The following PRAG1 variants were observed in gnomAD, a reference collection of about 807,000 sequenced individuals.
The protein encoded by PRAG1 is PEAK1 related, kinase-activating pseudokinase 1.
Under a neutral mutation model 95.6 loss-of-function variants are expected in PRAG1, and 110 were observed. That is an observed-to-expected ratio of 1.15 (90% CI 0.99 to 1.35). The LOEUF (loss-of-function observed/expected upper bound fraction) is 1.35, where lower values mean the gene tolerates loss of function less well. Among genes scored for constraint, PRAG1 ranks in the 40% most tolerant of loss-of-function variants. The pLI is 0.00. For missense variants in PRAG1, 2,554 were observed against 1,864.7 expected (o/e 1.37, Z -6.81); for synonymous variants, 1,052 against 819.4 (o/e 1.28, Z -4.85).
At chr8:8,371,686 A>T (rs943726587) in intron 3 of PRAG1, among the ~76,000 whole-genome samples, 1 of 152,080 alleles carries the variant, frequency 6.6e-6, no homozygotes, top group Non-Finnish European at 1.5e-5. Context: ...CCTGGGAAAC[A>T]TGGTGAAACT....
intron 5 of PRAG1, among the ~76,000 whole-genome samples, chr8:8,323,663 A>G (rs1384852691): frequency 6.6e-6 from 1 of 152,002 alleles, no homozygotes; most frequent in East Asian, 1.9e-4. Flanking sequence ...TGCTGCCACC[A>G]TGTGAAGAAG....
At chr8:8,372,512 G>A (rs1800243199) in intron 3 of PRAG1, among the ~76,000 whole-genome samples, 1 of 152,188 alleles carries the variant, frequency 6.6e-6, no homozygotes. Flanking sequence ...GGGTATAAAA[G>A]CTTGCCTTGA....
At chr8:8,331,640 C>A (rs1052533696) in intron 4 of PRAG1, among the ~76,000 whole-genome samples, 4 of 152,184 alleles carry the variant, frequency 2.6e-5, no homozygotes, top group African/African-American at 9.7e-5. Context: ...GACCAGGGAT[C>A]TTTTAGCAAC....
rs745348481 is a variant in PRAG1 at position 8,318,109 on chromosome 8, G to C, written c.*45C>G. The C allele has an allele frequency of 2.6e-6, 4 of 1,563,022 alleles. No individual in the cohort carries two copies. The highest frequency in any genetic ancestry group is 1.8e-5 in the Admixed American group (1 of 54,414). On this transcript the variant is annotated 3_prime_UTR_variant, in exon 6 of 6. Transcript: ENST00000615670. This position sits in a 1 kb window ranked among gnomAD's most constrained non-coding sequence, Gnocchi z 4.2. ...GTGCTTCCAAGGCGAGACAGGAAAG[G>C]GTTAGGCAGGGAAGGGGCAGCGACG...
chr8:8,360,776 C>T (rs775495861), intron 3 of PRAG1, among the ~76,000 whole-genome samples: 10 of 152,160 alleles, frequency 6.6e-5, no homozygotes, highest in Non-Finnish European at 1.2e-4. Flanking sequence ...ATGTTAAATG[C>T]CTTGGAAAGA....
intron 3 of PRAG1, among the ~76,000 whole-genome samples, chr8:8,358,149 G>A (rs1298573198): frequency 2.6e-5 from 4 of 152,028 alleles, no homozygotes; most frequent in Admixed American, 1.3e-4. Flanking sequence ...CTCCTCCTTG[G>A]GTTCAATTAA....
In PRAG1 at chr8:8,384,560, A is replaced by C. The variant is rs565883933; in HGVS notation, c.-88+1761T>G. 2.0e-5 allele frequency among the ~76,000 whole-genome samples: 3 copies of C among 148,744 alleles called. No homozygotes were observed. In the South Asian group the frequency reaches 6.3e-4, roughly 31 times the overall value. ...GTCATTGACTCACTGCATCCTGTTA[A>C]AACTGGTTTCTCAGTCGCAGCAAAC... On this transcript the variant is annotated intron_variant, in intron 1 of 5. Transcript: ENST00000615670.
chr8:8,360,442 T>C (rs1413564342), intron 3 of PRAG1, among the ~76,000 whole-genome samples: 1 of 152,194 alleles, frequency 6.6e-6, no homozygotes, highest in Non-Finnish European at 1.5e-5. Flanking sequence ...CTCTAGAAAA[T>C]CCTACAGGTG....
intron 3 of PRAG1, among the ~76,000 whole-genome samples, chr8:8,356,036 G>A (rs28890534): frequency 0.046 from 7,069 of 152,274 alleles, 260 homozygotes; most frequent in African/African-American, 0.1. Flanking sequence ...CTGATAAGAC[G>A]TTAATGTCCA....
Position 8,325,828 on chromosome 8 carries a change from G to T in PRAG1, c.3072+1882C>A, listed in dbSNP as rs547865871. On this transcript the variant is annotated intron_variant, in intron 5 of 5. Coordinates refer to ENST00000615670, the MANE Select transcript of PRAG1 (RefSeq NM_001080826.3). ...CTCAGGAGACTGAGGCAGGAGAATC[G>T]CTTGAACCCAGGAGATGGAGGTTGC... 2.0e-5 allele frequency among the ~76,000 whole-genome samples: 3 copies of T among 151,862 alleles called. No individual in the cohort carries two copies. The South Asian group carries it at 6.2e-4, about 32-fold the overall frequency.
At chr8:8,324,748 A>C (rs1798580669) in intron 5 of PRAG1, among the ~76,000 whole-genome samples, 2 of 152,182 alleles carry the variant, frequency 1.3e-5, no homozygotes, top group Admixed American at 1.3e-4. Flanking sequence ...GGGCTAAATC[A>C]TGTCTGTTAA....
intron 4 of PRAG1, among the ~76,000 whole-genome samples, chr8:8,335,505 T>C (rs1229026472): frequency 1.3e-5 from 2 of 152,238 alleles, no homozygotes; most frequent in East Asian, 3.9e-4. Flanking sequence ...GTCAGAAAAC[T>C]GACTTTTCAT....
At chr8:8,336,894 T>TCCCCCCCCCCCCCTCCCCCCCCCCCCCCC (rs1799001062) in intron 4 of PRAG1, among the ~76,000 whole-genome samples, 1 of 33,246 alleles carries the variant, frequency 3.0e-5, no homozygotes, top group Admixed American at 2.9e-4. Context: ...CCCACTCCCC[T>TCCCCCCCCCCCCCTCCCCCCCCCCCCCCC]CCCCACACCC....
chr8:8,322,007 C>A (rs1457352821), intron 5 of PRAG1, among the ~76,000 whole-genome samples: 1 of 152,148 alleles, frequency 6.6e-6, no homozygotes, highest in Non-Finnish European at 1.5e-5. Context: ...CTTGTTGAGT[C>A]ATTAAGAGGA....
intron 4 of PRAG1, among the ~76,000 whole-genome samples, chr8:8,338,462 C>T (rs1236132237): frequency 2.0e-5 from 3 of 152,160 alleles, no homozygotes; most frequent in African/African-American, 2.4e-5. Context: ...AATAATCTGC[C>T]TTGTTGAATT....
chr8:8,362,832 A>G (rs965190663), intron 3 of PRAG1, among the ~76,000 whole-genome samples: 1 of 152,200 alleles, frequency 6.6e-6, no homozygotes, highest in African/African-American at 2.4e-5. Context: ...TCACAGTCTA[A>G]GCTTAGCCTG....
intron 4 of PRAG1, among the ~76,000 whole-genome samples, chr8:8,331,155 C>T (rs890499779): frequency 7.9e-5 from 12 of 152,174 alleles, no homozygotes; most frequent in African/African-American, 4.8e-5. Context: ...AACCTGCCTA[C>T]GGTCAGGATT....
intron 3 of PRAG1, among the ~76,000 whole-genome samples, chr8:8,346,586 C>T (rs1024486291): frequency 2.6e-5 from 4 of 152,142 alleles, no homozygotes; most frequent in African/African-American, 7.2e-5. Flanking sequence ...AGACTCCAGC[C>T]GGAAGAGCCA....
intron 3 of PRAG1, among the ~76,000 whole-genome samples, chr8:8,363,728 T>C (rs1431554801): frequency 6.6e-6 from 1 of 152,216 alleles, no homozygotes; most frequent in Non-Finnish European, 1.5e-5. Context: ...CATATATACA[T>C]ATTTTATGTG....
Sources: allele counts gnomAD v4.1 joint callset (sites outside exome capture counted in the v4.1 genomes callset), GRCh38; gene constraint gnomAD v4.1.1; non-coding constraint Gnocchi (gnomAD v3.1); transcripts MANE v1.5; gene names NCBI Gene and HGNC (gene_info 2026-07-23, HGNC 2026-07-21).